Variants in CDH17 observed in about 807,000 individuals in gnomAD.
CDH17 encodes cadherin-17.
CDH17 carries 67 observed loss-of-function variants against 86.3 expected under a neutral mutation model. That is an observed-to-expected ratio of 0.78 (90% CI 0.64 to 0.95). The LOEUF is 0.95. Among genes scored for constraint, CDH17 ranks in the 40% least tolerant of loss-of-function variants. The pLI is 0.00. For synonymous variants in CDH17, 367 were observed against 366.4 expected, an observed-to-expected ratio of 1.00 and a Z score of -0.02; for missense variants, 993 against 1,017.6, an observed-to-expected ratio of 0.98 and a Z score of 0.33.
Position 94,177,690 on chromosome 8 carries a change from T to A in CDH17, c.182A>T (p.Glu61Val), listed in dbSNP as rs1338286950. 6.2e-7 allele frequency: 1 copy of A among 1,613,590 alleles called. No homozygotes were observed. Among genetic ancestry groups the A allele is most frequent in the African/African-American group, 1.3e-5 (1 of 74,878 alleles). ...FKANPPAVTF[E>V]LTGETDNIFV... ...TATGTTGTCTGTCTCCCCAGTTAGT[T>A]CAAAAGTCACAGCAGGAGGATTGGC... Residue 61 changes from glutamate (E) to valine (V), a missense_variant, in exon 4 of 18, where the codon GAA (glutamate) becomes GTA (valine). Physicochemically the swap from Glu to Val is moderately radical, Grantham distance 121 (BLOSUM62 -2). Transcript: ENST00000027335.
intron 15 of CDH17, among the ~76,000 whole-genome samples, chr8:94,144,305 TATA>T (rs1409287838): frequency 6.6e-6 from 1 of 152,104 alleles, no homozygotes; most frequent in African/African-American, 2.4e-5. Flanking sequence ...CCAAAATAAT[TATA>T]ATAATAACAT....
Position 94,130,999 on chromosome 8 carries a change from G to T in CDH17, c.2168-7C>A. On this transcript the variant is annotated splice_polypyrimidine_tract_variant and splice_region_variant and intron_variant, in intron 15 of 17. Coordinates refer to ENST00000027335, the MANE Select transcript of CDH17 (RefSeq NM_004063.4). ...GACAGTCGGGCATGAGTACCTGCCA[G>T]GACAGGAAAAAAAAATGAAAATACA... 1 of 1,419,834 alleles carries T rather than the reference G, an allele frequency of 7.0e-7. No homozygotes were observed. The highest frequency in any genetic ancestry group is 2.3e-5 in the East Asian group (1 of 43,960). 88.0% of individuals were successfully genotyped at this position (1,419,834 alleles called of 1,614,324 possible). A position where few individuals can be genotyped will look rare whatever the true frequency, so the allele number is the denominator to read the frequency against.
chr8:94,135,915 C>T (rs555479878), intron 15 of CDH17, among the ~76,000 whole-genome samples: 1 of 152,288 alleles, frequency 6.6e-6, no homozygotes, highest in African/African-American at 2.4e-5. Context: ...ACTTATGAAG[C>T]TTAGTTTGGC....
rs552184006 is a variant in CDH17, at chr8:94,186,745, G to A, written c.150+2442C>T. Among the ~76,000 whole-genome samples, 143 of 152,300 alleles carry A rather than the reference G, an allele frequency of 9.4e-4. 5 individuals carry two copies. In the South Asian group the frequency reaches 0.029, roughly 30 times the overall value. On this transcript the variant is annotated intron_variant, in intron 3 of 17. Coordinates refer to ENST00000027335, the MANE Select transcript of CDH17 (RefSeq NM_004063.4). ...TTTTAACGTCTAGGCTCGCTCCCTT[G>A]CAGCTCATGCTCTGAGTGATCACAC...
chr8:94,204,661 C>T (rs1345563026), intron 1 of CDH17, among the ~76,000 whole-genome samples: 2 of 152,084 alleles, frequency 1.3e-5, no homozygotes, highest in Non-Finnish European at 2.9e-5. Context: ...GGTATATACC[C>T]AGTAATGGGA....
Position 94,176,579 on chromosome 8 carries a change from G to C in CDH17, c.386C>G (p.Ser129Ter), listed in dbSNP as rs760512674. ...INDNRPTFLQ[S>*]KYEGSVRQNS... ...CTGCCTTACTGAGCCTTCGTACTTT[G>C]ACTGGAGAAACGTGGGTCGATTGTC... The change falls in exon 5 of 18, where the codon TCA becomes TGA. Residue 129 changes from serine (S) to a stop codon, truncating the protein, a stop_gained. Transcript: ENST00000027335. LOFTEE classifies it high-confidence loss of function. 1 of 1,613,840 alleles carries C rather than the reference G, an allele frequency of 6.2e-7. No homozygotes were observed. Among genetic ancestry groups the C allele is most frequent in the South Asian group, 1.1e-5 (1 of 91,080 alleles).
At chr8:94,133,997 G>A (rs1812471238) in intron 15 of CDH17, among the ~76,000 whole-genome samples, 1 of 152,174 alleles carries the variant, frequency 6.6e-6, no homozygotes, top group Non-Finnish European at 1.5e-5. Flanking sequence ...GCATCCCAGG[G>A]ATGAAGCCAA....
chr8:94,151,224 CAT>C (rs1172101147), intron 13 of CDH17, among the ~76,000 whole-genome samples: 45 of 151,888 alleles, frequency 3.0e-4, no homozygotes, highest in Middle Eastern at 3.4e-3. Flanking sequence ...TATATACAAA[CAT>C]ATATTTCTTA....
In CDH17 at chr8:94,128,225, C is replaced by T. The variant is rs781631589; in HGVS notation, c.*15G>A. 1.5e-5 allele frequency: 23 copies of T among 1,545,526 alleles called. No homozygotes were observed. The East Asian group carries it at 5.2e-4, about 35-fold the overall frequency. Reference sequence around the variant, plus strand: ...ATAGCACTTGCTATATAAATTCAAACATTCCTTTTCAAATTCAGCTTCTCA... The same window carrying T: ...ATAGCACTTGCTATATAAATTCAAATATTCCTTTTCAAATTCAGCTTCTCA... On this transcript the variant is annotated 3_prime_UTR_variant, in exon 18 of 18. Transcript: ENST00000027335.
At chr8:94,192,031 G>T (rs1433910777) in intron 2 of CDH17, among the ~76,000 whole-genome samples, 1 of 152,204 alleles carries the variant, frequency 6.6e-6, no homozygotes, top group East Asian at 1.9e-4. Flanking sequence ...CTTTCAGTTA[G>T]TCACACCAGT....
rs771965775 is a variant in CDH17 at position 94,173,849 on chromosome 8, G to C, written c.731C>G (p.Pro244Arg). Reference protein sequence around the residue: ...VTENIWKAPKPVEMVENSTDP... With the variant: ...VTENIWKAPKRVEMVENSTDP... ...AGTTGAGTTTTCCACCATCTCCACA[G>C]GTTTTGGTGCTTTCCAAATATTCTC... Residue 244 changes from proline to arginine, a missense_variant, in exon 7 of 18, where the codon CCT (proline) becomes CGT (arginine). Coordinates refer to ENST00000027335, the MANE Select transcript of CDH17 (RefSeq NM_004063.4). The C allele has an allele frequency of 6.2e-7, 1 of 1,613,872 alleles. No individual in the cohort carries two copies. The highest frequency in any genetic ancestry group is 1.1e-5 in the South Asian group (1 of 91,070).
At position 94,170,514 on chromosome 8, in the gene CDH17, C is replaced by T. The variant is rs751084277; in HGVS notation, c.949G>A (p.Gly317Arg). The T allele has an allele frequency of 3.0e-5, 49 of 1,613,594 alleles. No individual in the cohort carries two copies. Among genetic ancestry groups the T allele is most frequent in the African/African-American group, 1.1e-4 (8 of 74,860 alleles). Residue 317 changes from glycine to arginine, a missense_variant, in exon 9 of 18, where the codon GGA (glycine) becomes AGA (arginine). Transcript: ENST00000027335. ...VFYAVAKDEYGKPLSYPLEIH... is the reference protein window; with the variant it reads ...VFYAVAKDEYRKPLSYPLEIH... ...TCCAGCGGATATGAAAGTGGTTTTC[C>T]GTACTCATCCTTTGCAACTGCATAA...
intron 9 of CDH17, among the ~76,000 whole-genome samples, chr8:94,169,987 G>C (rs571792166): frequency 6.6e-6 from 1 of 152,204 alleles, no homozygotes; most frequent in African/African-American, 2.4e-5. Flanking sequence ...CTGACTTTGG[G>C]TGTAAATGTT....
At chr8:94,133,767 C>G (rs1812466135) in intron 15 of CDH17, among the ~76,000 whole-genome samples, 1 of 152,132 alleles carries the variant, frequency 6.6e-6, no homozygotes, top group Non-Finnish European at 1.5e-5. Context: ...CAGTTTTTAC[C>G]CATTCAATAT....
At position 94,179,046 on chromosome 8, in the gene CDH17, T is replaced by TAAAAAAA. The variant is rs3033905; in HGVS notation, c.151-1332_151-1326dup. 1.6e-4 allele frequency among the ~76,000 whole-genome samples: 22 copies of TAAAAAAA among 139,036 alleles called. No individual in the cohort carries two copies. The South Asian group carries it at 4.7e-3, about 29-fold the overall frequency. The allele number at this position is 139,036 out of a possible 152,430, so 91.2% of individuals were successfully genotyped here. On this transcript the variant is annotated intron_variant, in intron 3 of 17. Coordinates refer to ENST00000027335, the MANE Select transcript of CDH17 (RefSeq NM_004063.4). ...CTTGCAAAATCCAAGGAATGTTTAT[T>TAAAAAAA]AAAAAAAAAAAAAAAAACTAAGGTT...
intron 1 of CDH17, among the ~76,000 whole-genome samples, chr8:94,199,937 T>C (rs1813871940): frequency 6.6e-6 from 1 of 152,186 alleles, no homozygotes; most frequent in African/African-American, 2.4e-5. Flanking sequence ...CAAAAATTCA[T>C]TTTGCCACTC....
chr8:94,168,129 T>C (rs1313719062), intron 9 of CDH17, among the ~76,000 whole-genome samples: 2 of 100,466 alleles, frequency 2.0e-5, no homozygotes, highest in African/African-American at 8.3e-5. Flanking sequence ...TATATATATA[T>C]ATATATATAT....
chr8:94,171,997 TC>T (rs1563578469), intron 7 of CDH17, among the ~76,000 whole-genome samples: 23 of 18,394 alleles, frequency 1.3e-3, no homozygotes, highest in African/African-American at 5.3e-3. Flanking sequence ...CTCCCCCTCC[TC>T]CCCCTCCTCC....
intron 9 of CDH17, 108 bp from the exon 10 acceptor site, chr8:94,166,084 G>T: frequency 1.5e-6 from 1 of 681,186 alleles, no homozygotes; most frequent in South Asian, 1.9e-5. Context: ...GAATAACTTT[G>T]AATAGCAGAC....
Sources: allele counts gnomAD v4.1 joint callset (sites outside exome capture counted in the v4.1 genomes callset), GRCh38; gene constraint gnomAD v4.1.1; transcripts MANE v1.5; gene names NCBI Gene and HGNC (gene_info 2026-07-23, HGNC 2026-07-21).